Variants in CSMD1 observed in about 807,000 individuals in gnomAD.
The protein encoded by CSMD1 is CUB and Sushi multiple domains 1, also known as CUB and sushi domain-containing protein 1.
In CSMD1, 213 loss-of-function variants were observed where a neutral mutation model predicts 417.5. The observed-to-expected ratio is 0.51, with a 90% CI of 0.46 to 0.57. The LOEUF (loss-of-function observed/expected upper bound fraction) is 0.57, where lower values mean the gene tolerates loss of function less well. CSMD1 is among the 20% of genes least tolerant of loss of function. The pLI, the probability that CSMD1 is intolerant of heterozygous loss-of-function variation, is 0.00. For missense variants in CSMD1, 6,923 were observed against 4,529.7 expected, an observed-to-expected ratio of 1.53 and a Z score of -15.17; for synonymous variants, 2,862 against 1,736.8, an observed-to-expected ratio of 1.65 and a Z score of -16.11.
Position 2,942,583 on chromosome 8 carries a change from T to C in CSMD1, c.10424A>G (p.Asp3475Gly), listed in dbSNP as rs1236279975. 1 of 1,596,974 alleles carries C rather than the reference T, an allele frequency of 6.3e-7. No homozygotes were observed. Among genetic ancestry groups the C allele is most frequent in the South Asian group, 1.1e-5 (1 of 88,500 alleles). Residue 3475 changes from aspartate to glycine, a missense_variant, in exon 69 of 70, where the codon GAC (aspartate) becomes GGC (glycine). Asp to Gly is a moderately conservative substitution (Grantham distance 94, BLOSUM62 -1). Coordinates refer to ENST00000635120, the MANE Select transcript of CSMD1 (RefSeq NM_033225.6). Reference protein sequence around the residue: ...ERQDPLNPDQDSSSHYHGTSS... With the variant: ...ERQDPLNPDQGSSSHYHGTSS... Reference sequence around the variant, plus strand: ...GGTGCCGTGGTAATGACTGGAAGAGTCTTGATCTGGGTTTAAAGGATCTGT... The same window carrying C: ...GGTGCCGTGGTAATGACTGGAAGAGCCTTGATCTGGGTTTAAAGGATCTGT...
At chr8:4,340,881 T>C (rs1800439164) in intron 3 of CSMD1, among the ~76,000 whole-genome samples, 1 of 152,072 alleles carries the variant, frequency 6.6e-6, no homozygotes, top group Non-Finnish European at 1.5e-5. Flanking sequence ...TAACTATTAA[T>C]GAATATTACC....
chr8:4,469,407 A>G (rs1800389907), intron 2 of CSMD1, among the ~76,000 whole-genome samples: 1 of 152,168 alleles, frequency 6.6e-6, no homozygotes, highest in Non-Finnish European at 1.5e-5. Flanking sequence ...ATTCTGCCGT[A>G]TTTTCAGATT....
At chr8:4,282,333 A>G (rs376097461) in intron 3 of CSMD1, among the ~76,000 whole-genome samples, 32 of 152,320 alleles carry the variant, frequency 2.1e-4, no homozygotes, top group African/African-American at 7.0e-4. Context: ...GGTCAAGATC[A>G]TAACACAGAT....
intron 23 of CSMD1, among the ~76,000 whole-genome samples, chr8:3,323,687 A>T (rs1806301262): frequency 6.6e-6 from 1 of 152,236 alleles, no homozygotes; most frequent in African/African-American, 2.4e-5. Context: ...ATGAAGCAGC[A>T]GGTAAGTAGC....
intron 3 of CSMD1, among the ~76,000 whole-genome samples, chr8:4,246,328 C>T (rs1287907199): frequency 1.3e-5 from 2 of 152,138 alleles, no homozygotes; most frequent in African/African-American, 4.8e-5. Flanking sequence ...CCACCTCCAT[C>T]CACGTCCTTG....
At chr8:4,282,728 T>C (rs542449593) in intron 3 of CSMD1, among the ~76,000 whole-genome samples, 34 of 152,328 alleles carry the variant, frequency 2.2e-4, no homozygotes, top group African/African-American at 7.9e-4. Flanking sequence ...GGAACAATTT[T>C]AATTACTTGT....
In CSMD1 at chr8:3,196,295, G is replaced by C. The variant is rs144466229; in HGVS notation, c.5194+3419C>G. Reference sequence around the variant, plus strand: ...AAAGGAATTGTCTACCCCTTTCCCAGAAAACTCACTAATAATCCATCCCTC... The same window carrying C: ...AAAGGAATTGTCTACCCCTTTCCCACAAAACTCACTAATAATCCATCCCTC... On this transcript the variant is annotated intron_variant, in intron 33 of 69. Transcript: ENST00000635120. Among the ~76,000 whole-genome samples, 684 of 152,260 alleles carry C rather than the reference G, an allele frequency of 4.5e-3. 4 individuals carry two copies. Among genetic ancestry groups the C allele is most frequent in the African/African-American group, 0.015 (622 of 41,550 alleles).
chr8:3,538,046 G>A (rs929121389), intron 10 of CSMD1, among the ~76,000 whole-genome samples: 2 of 152,208 alleles, frequency 1.3e-5, no homozygotes, highest in Non-Finnish European at 2.9e-5. Context: ...TATGCTAGAT[G>A]TGCAGAACCT....
intron 6 of CSMD1, among the ~76,000 whole-genome samples, chr8:3,750,598 G>C (rs534558912): frequency 6.6e-6 from 1 of 151,984 alleles, no homozygotes; most frequent in Non-Finnish European, 1.5e-5. Context: ...TACAATTTGG[G>C]CTTCATGCTT....
intron 1 of CSMD1, among the ~76,000 whole-genome samples, chr8:4,750,490 T>C (rs926028250): frequency 1.3e-5 from 2 of 152,190 alleles, no homozygotes; most frequent in Non-Finnish European, 1.5e-5. Context: ...GCCTCTTAAT[T>C]TCATAGTCAT....
intron 3 of CSMD1, among the ~76,000 whole-genome samples, chr8:4,145,285 G>A (rs1431312566): frequency 6.6e-6 from 1 of 151,036 alleles, no homozygotes; most frequent in East Asian, 1.9e-4. Flanking sequence ...GACTTCCAAT[G>A]CTTTCTTGTT....
At chr8:3,812,704 T>G (rs899024209) in intron 5 of CSMD1, among the ~76,000 whole-genome samples, 1 of 152,200 alleles carries the variant, frequency 6.6e-6, no homozygotes, top group Non-Finnish European at 1.5e-5. Context: ...ACATGAGCTG[T>G]TTGTTTCCTC....
intron 1 of CSMD1, among the ~76,000 whole-genome samples, chr8:4,920,088 A>T (rs1806336276): frequency 6.6e-6 from 1 of 152,216 alleles, no homozygotes; most frequent in South Asian, 2.1e-4. Context: ...AAAGACAAAT[A>T]GAAGACAATG....
chr8:3,610,549 G>C (rs1398676186), intron 8 of CSMD1, among the ~76,000 whole-genome samples: 1 of 152,048 alleles, frequency 6.6e-6, no homozygotes, highest in Non-Finnish European at 1.5e-5. Context: ...ATATAATATA[G>C]GTCATGTACA....
At chr8:4,920,514 C>T (rs1159050685) in intron 1 of CSMD1, among the ~76,000 whole-genome samples, 1 of 152,080 alleles carries the variant, frequency 6.6e-6, no homozygotes, top group Non-Finnish European at 1.5e-5. Flanking sequence ...TTACTGGGGA[C>T]CTGTCCTCAG....
chr8:4,924,907 A>T (rs1250369922), intron 1 of CSMD1, among the ~76,000 whole-genome samples: 2 of 152,190 alleles, frequency 1.3e-5, no homozygotes, highest in East Asian at 3.9e-4. Context: ...TTTGAACCCA[A>T]ATCTTGTCTC....
chr8:3,431,033 G>C (rs899308649), intron 12 of CSMD1, among the ~76,000 whole-genome samples: 13 of 152,040 alleles, frequency 8.6e-5, no homozygotes, highest in African/African-American at 3.1e-4. Context: ...GCAAGATCAG[G>C]AACCCTGCTA....
chr8:3,588,380 G>A (rs112874610), intron 8 of CSMD1, among the ~76,000 whole-genome samples: 3,739 of 152,140 alleles, frequency 0.025, 160 homozygotes, highest in African/African-American at 0.082. Flanking sequence ...GAGAGTCCTC[G>A]GGTAGGAAGA....
At chr8:4,081,100 T>G (rs1310156593) in intron 3 of CSMD1, among the ~76,000 whole-genome samples, 3 of 152,176 alleles carry the variant, frequency 2.0e-5, no homozygotes, top group African/African-American at 7.2e-5. Flanking sequence ...GCAGAGAGAT[T>G]GGACTGCTTC....
Sources: allele counts gnomAD v4.1 joint callset (sites outside exome capture counted in the v4.1 genomes callset), GRCh38; gene constraint gnomAD v4.1.1; transcripts MANE v1.5; gene names NCBI Gene and HGNC (gene_info 2026-07-23, HGNC 2026-07-21).